The following TRAM2 variants were observed in gnomAD, a reference collection of about 807,000 sequenced individuals.
The protein encoded by TRAM2 is translocation associated membrane protein 2, also known as translocating chain-associated membrane protein 2.
TRAM2 carries 12 observed loss-of-function variants against 51.0 expected under a neutral mutation model. That is an observed-to-expected ratio of 0.24 (90% confidence interval 0.15 to 0.38). TRAM2 has a LOEUF of 0.38. Among genes scored for constraint, TRAM2 ranks in the 10% least tolerant of loss-of-function variants. TRAM2 has a pLI of 1.00. For missense variants in TRAM2, 361 were observed against 462.0 expected (o/e 0.78, Z 2.00); for synonymous variants, 175 against 179.4 (o/e 0.98, Z 0.20).
chr6:52,550,479 G>C (rs781164467), intron 1 of TRAM2, among the ~76,000 whole-genome samples: 1 of 152,144 alleles, frequency 6.6e-6, no homozygotes, highest in Non-Finnish European at 1.5e-5. Context: ...TCAAATAAAA[G>C]AATACTAACA....
chr6:52,534,072 G>A (rs1321329985), intron 2 of TRAM2, among the ~76,000 whole-genome samples: 1 of 134,978 alleles, frequency 7.4e-6, no homozygotes, highest in Admixed American at 7.8e-5. Context: ...GCAACAAGAG[G>A]GAAACTCCGT....
rs1025488822 is a variant in TRAM2, at chr6:52,515,600, C to T, written c.411+406G>A. 2.6e-5 allele frequency among the ~76,000 whole-genome samples: 4 copies of T among 152,222 alleles called. No individual in the cohort carries two copies. In the South Asian group the frequency reaches 6.2e-4, roughly 24 times the overall value. On this transcript the variant is annotated intron_variant, in intron 4 of 10. Transcript: ENST00000182527. ...TCAAAACCACAGAACCACAGGCATA[C>T]TGCAAAATTTGAGCTTGGAACTCTT...
intron 9 of TRAM2, among the ~76,000 whole-genome samples, chr6:52,505,347 A>G (rs1766327824): frequency 6.6e-6 from 1 of 152,240 alleles, no homozygotes; most frequent in African/African-American, 2.4e-5. Flanking sequence ...TGTGCACCAC[A>G]AAGTGCCAGA....
At chr6:52,525,165 G>A (rs769063400) in intron 2 of TRAM2, 1 of 152,410 alleles carries the variant, frequency 6.6e-6, no homozygotes, top group Non-Finnish European at 1.5e-5. Flanking sequence ...CCAGGACTCA[G>A]CTGTGCTACT....
chr6:52,504,909 C>T (rs917094496), intron 9 of TRAM2, among the ~76,000 whole-genome samples, 155 bp from the exon 10 acceptor site: 1 of 152,240 alleles, frequency 6.6e-6, no homozygotes, highest in Non-Finnish European at 1.5e-5. Flanking sequence ...ACCACTATCA[C>T]CAGGAAGAAT....
intron 1 of TRAM2, among the ~76,000 whole-genome samples, chr6:52,568,221 C>A (rs1767622435): frequency 1.3e-5 from 2 of 152,196 alleles, no homozygotes; most frequent in Non-Finnish European, 2.9e-5. Flanking sequence ...CTCAAGAACC[C>A]TGAAAGAAGG....
At chr6:52,551,782 C>T (rs1340403396) in intron 1 of TRAM2, among the ~76,000 whole-genome samples, 1 of 152,222 alleles carries the variant, frequency 6.6e-6, no homozygotes, top group Non-Finnish European at 1.5e-5. Flanking sequence ...ACGGCGCTAG[C>T]CAAAGGGGCC....
intron 1 of TRAM2, among the ~76,000 whole-genome samples, chr6:52,576,355 C>T (rs558542254): frequency 2.5e-4 from 38 of 152,320 alleles, no homozygotes; most frequent in African/African-American, 8.9e-4. Flanking sequence ...GGGTCTCTCC[C>T]ACTGGAAAAG....
intron 1 of TRAM2, among the ~76,000 whole-genome samples, chr6:52,567,356 TAG>T (rs896894782): frequency 4.6e-5 from 7 of 152,160 alleles, no homozygotes; most frequent in Non-Finnish European, 1.0e-4. Flanking sequence ...ATGAGCACAG[TAG>T]AGAGAGTTGT....
intron 2 of TRAM2, among the ~76,000 whole-genome samples, chr6:52,519,424 G>C (rs1766622106): frequency 6.6e-6 from 1 of 152,068 alleles, no homozygotes; most frequent in African/African-American, 2.4e-5. Flanking sequence ...CCACAACAAG[G>C]TTATCTCCTC....
In TRAM2 at chr6:52,522,896, C is replaced by T. The variant is rs139797441; in HGVS notation, c.185-6159G>A. ...GTTTCCTTCTGAGGTCACCTGCAAGCGGCTTCTCCTGCCTGCCTTTACATT... is the reference window on the plus strand; with the variant it reads ...GTTTCCTTCTGAGGTCACCTGCAAGTGGCTTCTCCTGCCTGCCTTTACATT... On this transcript the variant is annotated intron_variant, in intron 2 of 10. Transcript: ENST00000182527. 5.2e-4 allele frequency: 367 copies of T among 702,436 alleles called. 2 individuals are homozygous for T. In the East Asian group the frequency reaches 8.4e-3, roughly 16 times the overall value. 43.5% of individuals were successfully genotyped at this position (702,436 alleles called of 1,614,324 possible). A position where few individuals can be genotyped will look rare whatever the true frequency, so the allele number is the denominator to read the frequency against.
intron 2 of TRAM2, among the ~76,000 whole-genome samples, chr6:52,530,598 C>T (rs1562481366): frequency 1.3e-5 from 2 of 152,148 alleles, no homozygotes; most frequent in Admixed American, 6.5e-5. Flanking sequence ...AATTTGGACA[C>T]ACAGACTGAC....
intron 1 of TRAM2, among the ~76,000 whole-genome samples, chr6:52,567,355 G>A (rs1221944324): frequency 3.3e-5 from 5 of 152,246 alleles, no homozygotes. Context: ...AATGAGCACA[G>A]TAGAGAGAGT....
rs983862795 is a variant in TRAM2 at position 52,529,273 on chromosome 6, C to T, written c.184+6510G>A. On this transcript the variant is annotated intron_variant, in intron 2 of 10. Coordinates refer to ENST00000182527, the MANE Select transcript of TRAM2 (RefSeq NM_012288.4). The stretch of plus-strand genomic sequence containing the variant: ...ACCAGTGATACTCCCCACCTCCCCC[C>T]AGCTTTCCCAGACCAAATATTTATA... Among the ~76,000 whole-genome samples, 7 of 152,210 alleles carry T rather than the reference C, an allele frequency of 4.6e-5. No homozygotes were observed. The South Asian group carries it at 1.2e-3, about 27-fold the overall frequency.
intron 1 of TRAM2, among the ~76,000 whole-genome samples, chr6:52,569,253 A>T (rs1179742853): frequency 6.6e-6 from 1 of 152,044 alleles, no homozygotes; most frequent in Non-Finnish European, 1.5e-5. Context: ...AATTAGGCAT[A>T]GTGGCAGGCA....
chr6:52,511,387 C>T (rs1490776000), intron 4 of TRAM2, among the ~76,000 whole-genome samples: 4 of 152,200 alleles, frequency 2.6e-5, no homozygotes, highest in African/African-American at 7.2e-5. Flanking sequence ...TGCACCATTG[C>T]GCCCAGCCAA....
intron 2 of TRAM2, among the ~76,000 whole-genome samples, chr6:52,518,401 T>C (rs1408287112): frequency 6.6e-6 from 1 of 152,196 alleles, no homozygotes; most frequent in Non-Finnish European, 1.5e-5. Context: ...TAAAAGGGTG[T>C]GGACTTTATC....
At chr6:52,537,154 A>G (rs1766988768) in intron 1 of TRAM2, among the ~76,000 whole-genome samples, 1 of 152,220 alleles carries the variant, frequency 6.6e-6, no homozygotes, top group Non-Finnish European at 1.5e-5. Flanking sequence ...ACAGAGATGC[A>G]GGACAAGACT....
chr6:52,547,491 C>T (rs980876296), intron 1 of TRAM2, among the ~76,000 whole-genome samples: 3 of 152,182 alleles, frequency 2.0e-5, no homozygotes, highest in African/African-American at 4.8e-5. Context: ...AATTAATGTA[C>T]TTTCAGAGGA....
Sources: gnomAD v4.1 joint callset for allele counts (sites outside exome capture counted in the v4.1 genomes callset) on GRCh38, gnomAD v4.1.1 for gene constraint, MANE v1.5 for transcripts, NCBI Gene and HGNC (gene_info 2026-07-23, HGNC 2026-07-21) for gene names.